The following SETDB1 variants were observed in gnomAD, a reference collection of about 807,000 sequenced individuals.
SETDB1 encodes the protein SET domain bifurcated histone lysine methyltransferase 1.
A neutral mutation model predicts 137.4 loss-of-function variants in SETDB1; 31 were observed. The observed-to-expected ratio is 0.23, with a 90% CI of 0.17 to 0.30. The LOEUF (loss-of-function observed/expected upper bound fraction) is 0.30, where lower values mean the gene tolerates loss of function less well. Among genes scored for constraint, SETDB1 ranks in the 10% least tolerant of loss-of-function variants. SETDB1 has a pLI of 1.00. For synonymous variants in SETDB1, 548 were observed against 579.9 expected (o/e 0.95, Z 0.79); for missense variants, 1,113 against 1,631.5 (o/e 0.68, Z 5.47).
chr1:150,950,976 C>T lies in SETDB1; in HGVS notation c.2102C>T (p.Thr701Ile). ...TCCTGTGTCAATGAGATTGACACAACCCCTCCACCCCAGGTGGCCTACAGC... is the reference window on the plus strand; with the variant it reads ...TCCTGTGTCAATGAGATTGACACAATCCCTCCACCCCAGGTGGCCTACAGC... ...PLSCVNEIDT[T>I]PPPQVAYSKE... is the part of the protein sequence containing the mutation. The change falls in exon 13 of 22, where the codon ACC becomes ATC. Residue 701 changes from threonine to isoleucine, a missense_variant. Transcript: ENST00000692827. The T allele has an allele frequency of 1.2e-6, 2 of 1,614,116 alleles. No homozygotes were observed. Among genetic ancestry groups the T allele is most frequent in the Non-Finnish European group, 1.7e-6 (2 of 1,180,024 alleles).
chr1:150,941,239 T>C, intron 4 of SETDB1, 90 bp from the exon 5 acceptor site: 4 of 708,406 alleles, frequency 5.6e-6, no homozygotes, highest in South Asian at 1.7e-5. Flanking sequence ...CCATTTTGTT[T>C]TGTGAAATAC....
In SETDB1 at chr1:150,942,883, C is replaced by A; in HGVS notation, c.705C>A (p.Asp235Glu). Reference sequence around the variant, plus strand: ...GGAAGAAATACAAGGTGAAATTTGACAACAAAGGAAAGAGTCTACTGTCGG... The same window carrying A: ...GGAAGAAATACAAGGTGAAATTTGAAAACAAAGGAAAGAGTCTACTGTCGG... ...GPGKKYKVKF[D>E]NKGKSLLSGN... Residue 235 changes from aspartate (D) to glutamate (E), a missense_variant, in exon 7 of 22, where the codon GAC becomes GAA. Asp to Glu is a conservative substitution (Grantham distance 45). This residue lies in a region of SETDB1 where 154 missense variants were observed against 303.1 expected (regional missense o/e 0.51). Coordinates refer to ENST00000692827, the MANE Select transcript of SETDB1 (RefSeq NM_001366418.1). 6.2e-7 allele frequency: 1 copy of A among 1,614,086 alleles called. No homozygotes were observed.
At chr1:150,936,976 T>C (rs1211118669) in intron 3 of SETDB1, among the ~76,000 whole-genome samples, 2 of 152,012 alleles carry the variant, frequency 1.3e-5, no homozygotes, top group African/African-American at 4.8e-5. Context: ...AATACAAAAA[T>C]TAGCTGGGTA....
intron 4 of SETDB1, among the ~76,000 whole-genome samples, chr1:150,940,525 A>T (rs1571635960): frequency 6.7e-6 from 1 of 150,116 alleles, no homozygotes; most frequent in African/African-American, 2.5e-5. Context: ...CTGAGATCGC[A>T]CCACCGCACT....
At chr1:150,930,152 G>A (rs1426555675) in intron 3 of SETDB1, 34 bp downstream of exon 3, 1 of 1,569,408 alleles carries the variant, frequency 6.4e-7, no homozygotes, top group Non-Finnish European at 8.7e-7. Context: ...AGAGTCTCAG[G>A]ACTGAAGTTG....
In SETDB1 at chr1:150,941,435, G is replaced by T. The variant is rs762288492; in HGVS notation, c.547+7G>T. 2 of 1,554,790 alleles carry T rather than the reference G, an allele frequency of 1.3e-6. No individual in the cohort carries two copies. Among genetic ancestry groups the T allele is most frequent in the Non-Finnish European group, 1.8e-6 (2 of 1,126,044 alleles). On this transcript the variant is annotated splice_region_variant and intron_variant, in intron 5 of 21. Coordinates refer to ENST00000692827, the MANE Select transcript of SETDB1 (RefSeq NM_001366418.1). ...TCCCAGGATCTGCATAAAGGTTAGG[G>T]TCAAGAAATACCTGGGTACAGATGG... is the stretch of plus-strand genomic sequence containing the variant.
intron 5 of SETDB1, 80 bp from the exon 6 acceptor site, chr1:150,942,483 A>G: frequency 8.1e-7 from 1 of 1,234,460 alleles, no homozygotes; most frequent in South Asian, 1.5e-5. Flanking sequence ...TTCCCTAATT[A>G]CCATACTACC....
intron 16 of SETDB1, 101 bp downstream of exon 16, chr1:150,961,292 T>G (rs1670811836): frequency 1.6e-6 from 2 of 1,225,726 alleles, no homozygotes; most frequent in Non-Finnish European, 1.2e-6. Flanking sequence ...TTCTACTTGA[T>G]GGATATTTCT....
intron 3 of SETDB1, among the ~76,000 whole-genome samples, chr1:150,931,324 G>T (rs587686143): frequency 1.4e-5 from 2 of 146,082 alleles, no homozygotes; most frequent in Non-Finnish European, 3.0e-5. Context: ...GGTGGCTCAC[G>T]CCTGTAATCC....
chr1:150,938,973 C>T (rs1206497667), intron 3 of SETDB1, among the ~76,000 whole-genome samples: 6 of 152,000 alleles, frequency 3.9e-5, no homozygotes, highest in Admixed American at 6.6e-5. Context: ...ACTGGTCTTA[C>T]GCTGCACCAA....
At chr1:150,951,534 T>C in intron 14 of SETDB1, 53 bp downstream of exon 14, 1 of 964,130 alleles carries the variant, frequency 1.0e-6, no homozygotes, top group Non-Finnish European at 1.6e-6. Context: ...GAGCATGTTC[T>C]TGTTTTTCTG....
intron 7 of SETDB1, 93 bp from the exon 8 acceptor site, chr1:150,943,827 C>G: frequency 1.3e-6 from 1 of 778,738 alleles, no homozygotes; most frequent in Admixed American, 2.0e-5. Context: ...GTGTTGTGAT[C>G]CAGAGAAGTA....
chr1:150,949,486 A>G lies in SETDB1; in HGVS notation c.1544A>G (p.Asn515Ser). Reference protein sequence around the residue: ...SSPTSPALSENVSGGKPGINQ... With the variant: ...SSPTSPALSESVSGGKPGINQ... ...CCTACATCTCCTGCACTCAGTGAAA[A>G]TGTCTCTGGTGGGAAACCTGGGATC... Residue 515 changes from asparagine to serine, a missense_variant, in exon 12 of 22, where the codon AAT (asparagine) becomes AGT (serine). Physicochemically the swap from Asn to Ser is conservative, Grantham distance 46. Around this residue, in one of 11 missense-constraint regions of SETDB1, gnomAD observed 192 missense variants for 198.1 expected, o/e 0.97. Coordinates refer to ENST00000692827, the MANE Select transcript of SETDB1 (RefSeq NM_001366418.1). 1 of 1,614,106 alleles carries G rather than the reference A, an allele frequency of 6.2e-7. No individual in the cohort carries two copies. The highest frequency in any genetic ancestry group is 8.5e-7 in the Non-Finnish European group (1 of 1,180,022).
At position 150,959,247 on chromosome 1, in the gene SETDB1, A is replaced by T. The variant is rs375115914; in HGVS notation, c.2403A>T (p.Gly801=). 4 of 1,609,384 alleles carry T rather than the reference A, an allele frequency of 2.5e-6. No homozygotes were observed. The highest frequency in any genetic ancestry group is 1.3e-5 in the African/African-American group (1 of 74,690). The change falls in exon 15 of 22, where the codon GGA becomes GGT. Residue 801 remains glycine (G), a synonymous_variant. Transcript: ENST00000692827. Reference sequence around the variant, plus strand: ...GCACAAACCGGTTGGTGCAACATGGACTACAAGTTCGGCTACAGCTATTCA... The same window carrying T: ...GCACAAACCGGTTGGTGCAACATGGTCTACAAGTTCGGCTACAGCTATTCA... ...NMCTNRLVQH[G]LQVRLQLFKT...
At chr1:150,945,968 C>G (rs1228273495) in intron 9 of SETDB1, among the ~76,000 whole-genome samples, 1 of 152,040 alleles carries the variant, frequency 6.6e-6, no homozygotes, top group Non-Finnish European at 1.5e-5. Flanking sequence ...TCCCAAAGTG[C>G]TGGGATTACA....
intron 5 of SETDB1, 116 bp downstream of exon 5, chr1:150,941,544 T>C (rs1183240992): frequency 6.3e-6 from 4 of 631,112 alleles, no homozygotes; most frequent in Non-Finnish European, 1.1e-5. Flanking sequence ...TCCTTAGTAG[T>C]TATGAAATCC....
chr1:150,960,220 T>A (rs12143614), intron 15 of SETDB1, among the ~76,000 whole-genome samples: 11,526 of 151,796 alleles, frequency 0.076, 591 homozygotes, highest in Middle Eastern at 0.13. Context: ...ACACCTGTAA[T>A]CCCAACACTG....
chr1:150,927,597 A>C, intron 1 of SETDB1, 107 bp from the exon 2 acceptor site: 1 of 973,872 alleles, frequency 1.0e-6, no homozygotes. Context: ...TTTGAATAGA[A>C]TAACAGGCAG....
intron 14 of SETDB1, among the ~76,000 whole-genome samples, chr1:150,956,747 CTTT>C (rs1012951993): frequency 6.9e-6 from 1 of 144,344 alleles, no homozygotes. Flanking sequence ...GAAATAATCT[CTTT>C]TTTTTTTTTG....
Sources: allele counts gnomAD v4.1 joint callset (sites outside exome capture counted in the v4.1 genomes callset), GRCh38; gene constraint gnomAD v4.1.1; regional missense constraint gnomAD v4.1.1; transcripts MANE v1.5; gene names NCBI Gene and HGNC (gene_info 2026-07-23, HGNC 2026-07-21).